CDS2: variants seen among roughly 807,000 people sequenced by gnomAD.
CDS2 encodes CDP-diacylglycerol synthase 2.
CDS2 carries 47 observed loss-of-function variants against 59.0 expected under a neutral mutation model. The observed-to-expected ratio is 0.80, with a 90% CI of 0.63 to 1.02. CDS2 has a LOEUF of 1.02. Among genes scored for constraint, CDS2 ranks in the 50% least tolerant of loss-of-function variants. CDS2 has a pLI of 0.00. For missense variants in CDS2, 356 were observed against 558.9 expected (o/e 0.64, Z 3.66); for synonymous variants, 207 against 206.4 (o/e 1.00, Z -0.02).
intron 2 of CDS2, 53 bp from the exon 3 acceptor site, chr20:5,175,130 T>G: frequency 7.3e-7 from 1 of 1,376,890 alleles, no homozygotes; most frequent in Non-Finnish European, 1.0e-6. Context: ...GTGCATTGGT[T>G]TTTTTCTGGG....
chr20:5,168,578 T>C (rs1248079955), intron 1 of CDS2: 2 of 517,894 alleles, frequency 3.9e-6, no homozygotes, highest in East Asian at 1.1e-4. Flanking sequence ...CTACTTTGGG[T>C]GTCAGAGTCT....
chr20:5,170,097 C>T (rs1238287856), intron 1 of CDS2, among the ~76,000 whole-genome samples: 1 of 152,118 alleles, frequency 6.6e-6, no homozygotes, highest in Admixed American at 6.5e-5. Flanking sequence ...AACAACCTTC[C>T]GAGACAGGGA....
At chr20:5,173,817 A>G (rs1372510763) in intron 2 of CDS2, among the ~76,000 whole-genome samples, 158 bp downstream of exon 2, 1 of 152,198 alleles carries the variant, frequency 6.6e-6, no homozygotes, top group Non-Finnish European at 1.5e-5. Context: ...AGTGTAATCT[A>G]GTGCTTAGCA....
intron 1 of CDS2, among the ~76,000 whole-genome samples, chr20:5,138,030 C>T (rs1189265926): frequency 6.6e-6 from 1 of 151,834 alleles, no homozygotes; most frequent in Non-Finnish European, 1.5e-5. Flanking sequence ...ATCTCCTGAC[C>T]TCGTGATGCG....
In CDS2 at chr20:5,186,887, C is replaced by T; in HGVS notation, c.981+48C>T. The T allele has an allele frequency of 1.9e-6, 3 of 1,599,924 alleles. No homozygotes were observed. The East Asian group carries it at 6.7e-5, about 36-fold the overall frequency. ...GAGCGGCCTCCATGGACAGTGGCTA[C>T]AAAGAGAGATCCCCCTCCATCACCT... On this transcript the variant is annotated intron_variant, in intron 10 of 12. Coordinates refer to ENST00000460006, the MANE Select transcript of CDS2 (RefSeq NM_003818.4).
chr20:5,197,789 C>T lies in CDS2; in HGVS notation c.*7555C>T, dbSNP rs2091169833. The T allele has an allele frequency of 6.6e-6, 1 of 152,134 alleles. No homozygotes were observed. Among genetic ancestry groups the T allele is most frequent in the Non-Finnish European group, 1.5e-5 (1 of 68,040 alleles). 9.4% of individuals were successfully genotyped at this position (152,134 alleles called of 1,614,324 possible). ...ACAATACATGTAGGTTCTTTTTCCA[C>T]GCAATGTAAGAACATGATATACTGT... On this transcript the variant is annotated 3_prime_UTR_variant, in exon 13 of 13. Coordinates refer to ENST00000460006, the MANE Select transcript of CDS2 (RefSeq NM_003818.4).
At chr20:5,189,483 G>T (rs2091096453) in intron 11 of CDS2, among the ~76,000 whole-genome samples, 1 of 152,206 alleles carries the variant, frequency 6.6e-6, no homozygotes, top group Admixed American at 6.5e-5. Flanking sequence ...AGGATCACTT[G>T]AGGCTAGGAG....
intron 1 of CDS2, among the ~76,000 whole-genome samples, chr20:5,147,752 G>C (rs2090755849): frequency 6.6e-6 from 1 of 151,570 alleles, no homozygotes; most frequent in African/African-American, 2.4e-5. Context: ...TTTGGTGACA[G>C]AGTCTTGCCA....
intron 1 of CDS2, among the ~76,000 whole-genome samples, chr20:5,137,054 A>G (rs2090654796): frequency 6.6e-6 from 1 of 152,068 alleles, no homozygotes; most frequent in South Asian, 2.1e-4. Context: ...CTCTTCTTGC[A>G]TTAATTTGCT....
Position 5,173,609 on chromosome 20 carries a change from A to G in CDS2, c.144A>G (p.Ala48=). The stretch of plus-strand genomic sequence containing the variant: ...AATCCGCACCCCTGCCAGTCTCTGC[A>G]GATGATACCCCGGAGGTCCTCAATA... ...RAESAPLPVS[A]DDTPEVLNRA... Residue 48 remains alanine (A), a synonymous_variant, in exon 2 of 13, where the codon GCA becomes GCG. Coordinates refer to ENST00000460006, the MANE Select transcript of CDS2 (RefSeq NM_003818.4). 1 of 1,614,254 alleles carries G rather than the reference A, an allele frequency of 6.2e-7. No individual in the cohort carries two copies. The highest frequency in any genetic ancestry group is 8.5e-7 in the Non-Finnish European group (1 of 1,180,034).
chr20:5,179,542 G>C (rs2091018481), intron 5 of CDS2, among the ~76,000 whole-genome samples: 1 of 152,228 alleles, frequency 6.6e-6, no homozygotes, highest in African/African-American at 2.4e-5. Context: ...TGACTCTCCT[G>C]TTGGCAAAGA....
At chr20:5,143,972 C>G (rs2122975814) in intron 1 of CDS2, among the ~76,000 whole-genome samples, 1 of 152,130 alleles carries the variant, frequency 6.6e-6, no homozygotes, top group South Asian at 2.1e-4. Flanking sequence ...CCCATGTTGG[C>G]CAGGCTGGTC....
intron 1 of CDS2, among the ~76,000 whole-genome samples, chr20:5,155,811 C>T (rs1224548745): frequency 6.6e-6 from 1 of 152,092 alleles, no homozygotes; most frequent in East Asian, 1.9e-4. Flanking sequence ...TACCCATAGA[C>T]AGCAATCACA....
chr20:5,147,024 T>C (rs762161045), intron 1 of CDS2, among the ~76,000 whole-genome samples: 2 of 152,224 alleles, frequency 1.3e-5, no homozygotes, highest in Non-Finnish European at 2.9e-5. Flanking sequence ...AACGCATGAT[T>C]TCTGCTCACA....
intron 1 of CDS2, among the ~76,000 whole-genome samples, chr20:5,143,647 G>A (rs1052007719): frequency 2.8e-5 from 1 of 35,384 alleles, no homozygotes; most frequent in Admixed American, 3.4e-4. Flanking sequence ...TTTTTTTTTT[G>A]AGACAGAGTC....
intron 1 of CDS2, among the ~76,000 whole-genome samples, chr20:5,157,741 C>G (rs185649438): frequency 6.6e-6 from 1 of 152,150 alleles, no homozygotes; most frequent in East Asian, 1.9e-4. Context: ...GGTGCTAATC[C>G]CATTAATGAG....
chr20:5,188,495 CA>C (rs1195802342), intron 10 of CDS2, among the ~76,000 whole-genome samples: 1 of 152,082 alleles, frequency 6.6e-6, no homozygotes, highest in Non-Finnish European at 1.5e-5. Context: ...TAATGTTTTC[CA>C]TTAACTTAGA....
intron 1 of CDS2, among the ~76,000 whole-genome samples, chr20:5,153,482 C>A (rs772610174): frequency 1.3e-5 from 2 of 152,150 alleles, no homozygotes; most frequent in Non-Finnish European, 2.9e-5. Context: ...CTAGTTGTGA[C>A]CCACTGAATT....
At chr20:5,185,700 T>C in intron 8 of CDS2, 58 bp from the exon 9 acceptor site, 2 of 1,455,508 alleles carry the variant, frequency 1.4e-6, no homozygotes, top group Non-Finnish European at 1.9e-6. Context: ...GTAATCATTG[T>C]TCGCAAAGCT....
Sources: allele counts gnomAD v4.1 joint callset (sites outside exome capture counted in the v4.1 genomes callset), GRCh38; gene constraint gnomAD v4.1.1; transcripts MANE v1.5; gene names NCBI Gene and HGNC (gene_info 2026-07-23, HGNC 2026-07-21).